ADAMTSL1: variants seen among roughly 807,000 people sequenced by gnomAD.
ADAMTSL1 encodes ADAMTS-like protein 1.
ADAMTSL1 carries 126 observed loss-of-function variants against 201.8 expected under a neutral mutation model. The observed-to-expected ratio is 0.62, with a 90% CI of 0.54 to 0.72. The LOEUF is 0.72. ADAMTSL1 is among the 30% of genes least tolerant of loss of function. ADAMTSL1 has a pLI of 0.00. For missense variants in ADAMTSL1, 2,679 were observed against 2,277.8 expected, an observed-to-expected ratio of 1.18 and a Z score of -3.59; for synonymous variants, 1,121 against 903.4, an observed-to-expected ratio of 1.24 and a Z score of -4.32.
chr9:18,671,666 C>T (rs768087861), intron 9 of ADAMTSL1, among the ~76,000 whole-genome samples: 1 of 152,078 alleles, frequency 6.6e-6, no homozygotes, highest in African/African-American at 2.4e-5. Flanking sequence ...ATTTGCAGTT[C>T]CAGAGAAGAA....
intron 7 of ADAMTSL1, among the ~76,000 whole-genome samples, chr9:18,650,694 A>C (rs118137622): frequency 0.025 from 3,825 of 152,200 alleles, 55 homozygotes; most frequent in Non-Finnish European, 0.035. Context: ...TTCTCTTGCC[A>C]CCTTTAAAAC....
rs1408457395 is a variant in ADAMTSL1, at chr9:18,182,509, A to G, written c.207+18528A>G. On this transcript the variant is annotated intron_variant, in intron 2 of 29. Transcript: ENST00000680146. ...AAAAAAGAGTGGAGGCTCTCACAAC[A>G]TGTCTTGTGGCTCTGTTTATATAAG... Among the ~76,000 whole-genome samples the G allele has an allele frequency of 2.0e-5, 3 of 152,276 alleles. No individual in the cohort carries two copies. In the East Asian group the frequency reaches 5.8e-4, roughly 29 times the overall value.
intron 1 of ADAMTSL1, among the ~76,000 whole-genome samples, chr9:18,099,773 C>G (rs1340759461): frequency 6.6e-6 from 1 of 151,452 alleles, no homozygotes; most frequent in Non-Finnish European, 1.5e-5. Context: ...ACTACAGGCT[C>G]CCGCCAACAT....
At chr9:18,526,065 G>A (rs1285724317) in intron 2 of ADAMTSL1, among the ~76,000 whole-genome samples, 1 of 152,120 alleles carries the variant, frequency 6.6e-6, no homozygotes, top group African/African-American at 2.4e-5. Context: ...CATTATTATT[G>A]TGTGGGAGTC....
rs745956699 is a variant in ADAMTSL1, at chr9:18,777,481, C to A, written c.3252C>A (p.Asn1084Lys). ...EQRRLDDILG[N>K]LSQQPEELRD... ...GGCGCCTGGACGACATCCTGGGGAA[C>A]CTCTCCCAGCAGCCCGAGGAGCTGC... Residue 1084 changes from asparagine to lysine, a missense_variant, in exon 19 of 29, where the codon AAC (asparagine) becomes AAA (lysine). Asn to Lys is a moderately conservative substitution (Grantham distance 94). Transcript: ENST00000380548. 1 of 1,593,698 alleles carries A rather than the reference C, an allele frequency of 6.3e-7. No homozygotes were observed. Among genetic ancestry groups the A allele is most frequent in the Admixed American group, 1.7e-5 (1 of 57,186 alleles).
intron 2 of ADAMTSL1, among the ~76,000 whole-genome samples, chr9:18,358,135 T>G (rs1465674759): frequency 1.3e-5 from 2 of 152,176 alleles, no homozygotes; most frequent in East Asian, 3.8e-4. Flanking sequence ...TCTGCACATT[T>G]AGAATACCAG....
At chr9:18,167,306 T>C (rs1455236597) in intron 2 of ADAMTSL1, among the ~76,000 whole-genome samples, 2 of 151,938 alleles carry the variant, frequency 1.3e-5, no homozygotes, top group African/African-American at 2.4e-5. Context: ...ACAGTGGTTA[T>C]TGAAGCCACT....
intron 2 of ADAMTSL1, among the ~76,000 whole-genome samples, chr9:18,349,551 A>G (rs1330128121): frequency 6.6e-6 from 1 of 152,200 alleles, no homozygotes; most frequent in African/African-American, 2.4e-5. Flanking sequence ...GGATTTTAAA[A>G]GGTGTAATGC....
intron 2 of ADAMTSL1, among the ~76,000 whole-genome samples, chr9:18,411,471 T>G (rs1041080982): frequency 3.3e-5 from 5 of 152,170 alleles, no homozygotes; most frequent in African/African-American, 1.2e-4. Context: ...AGTGCTAGGA[T>G]TATAGGCGTG....
chr9:18,284,025 G>C (rs898812780), intron 2 of ADAMTSL1, among the ~76,000 whole-genome samples: 1 of 151,444 alleles, frequency 6.6e-6, no homozygotes, highest in Non-Finnish European at 1.5e-5. Flanking sequence ...GAAGTCAGCA[G>C]TTCGAGACCA....
At chr9:18,253,309 G>A (rs1277438739) in intron 2 of ADAMTSL1, among the ~76,000 whole-genome samples, 6 of 152,218 alleles carry the variant, frequency 3.9e-5, no homozygotes, top group African/African-American at 1.4e-4. Flanking sequence ...AGGGACCCTG[G>A]GTGGATGGAG....
At position 18,786,685 on chromosome 9, in the gene ADAMTSL1, G is replaced by C. The variant is rs538541446; in HGVS notation, c.3678-8712G>C. Among the ~76,000 whole-genome samples, 9 of 152,290 alleles carry C rather than the reference G, an allele frequency of 5.9e-5. No homozygotes were observed. The South Asian group carries it at 1.9e-3, about 32-fold the overall frequency. ...AAACTAAGAAGCTTCACTCTTATTT[G>C]AGGAACATCTAGGTAGTTGTTCAAA... is the stretch of plus-strand genomic sequence containing the variant. On this transcript the variant is annotated intron_variant, in intron 19 of 28. Coordinates refer to ENST00000380548, the MANE Select transcript of ADAMTSL1 (RefSeq NM_001040272.6).
In ADAMTSL1 at chr9:18,257,440, A is replaced by AAAATGTAC. The variant is rs202008527; in HGVS notation, c.207+93462_207+93469dup. On this transcript the variant is annotated intron_variant, in intron 2 of 29. Coordinates refer to the ADAMTSL1 transcript ENST00000680146. ...GATGCTCAACACCCCAGTTATTAGGAAAATGTACAATAACACAACAATGAA... is the reference window on the plus strand; with the variant it reads ...GATGCTCAACACCCCAGTTATTAGGAAAATGTACAAATGTACAATAACACAACAATGAA... Among the ~76,000 whole-genome samples the AAAATGTAC allele has an allele frequency of 6.9e-3, 1,051 of 152,326 alleles. 41 individuals carry two copies. The highest frequency in any genetic ancestry group is 0.055 in the Admixed American group (835 of 15,298).
Position 18,574,155 on chromosome 9 carries a change from C to G in ADAMTSL1, c.363C>G (p.Leu121=). Residue 121 remains leucine, a synonymous_variant, in exon 4 of 29, where the codon CTC becomes CTG. Transcript: ENST00000380548. ...ATGACCCTGACAACCCATGTTCACT[C>G]AAGTGCCAAGCCAAAGGAACAACCC... ...VSNDPDNPCS[L]KCQAKGTTLV... 2 of 1,614,158 alleles carry G rather than the reference C, an allele frequency of 1.2e-6. No homozygotes were observed. Among genetic ancestry groups the G allele is most frequent in the Non-Finnish European group, 1.7e-6 (2 of 1,180,012 alleles).
chr9:18,502,374 C>T (rs906121584), intron 1 of ADAMTSL1, among the ~76,000 whole-genome samples: 4 of 152,198 alleles, frequency 2.6e-5, no homozygotes, highest in Admixed American at 1.3e-4. Flanking sequence ...GAAAATACTG[C>T]ACCTCTCTCA....
chr9:18,470,687 G>A (rs188998772), upstream of ADAMTSL1, among the ~76,000 whole-genome samples: 1 of 152,218 alleles, frequency 6.6e-6, no homozygotes, highest in Non-Finnish European at 1.5e-5. Context: ...ATTCTCCCCA[G>A]GGAGAGAAAT....
intron 19 of ADAMTSL1, among the ~76,000 whole-genome samples, chr9:18,790,757 C>A (rs1163461981): frequency 6.6e-6 from 1 of 151,994 alleles, no homozygotes; most frequent in African/African-American, 2.4e-5. Context: ...AAAAACAAAA[C>A]CGCTCCTTCA....
At chr9:18,005,840 T>C (rs1192356461) in intron 1 of ADAMTSL1, among the ~76,000 whole-genome samples, 1 of 152,060 alleles carries the variant, frequency 6.6e-6, no homozygotes, top group South Asian at 2.1e-4. Flanking sequence ...CTGCCTCTCT[T>C]CACTGCCCTG....
At chr9:18,620,390 T>C (rs921819925) in intron 4 of ADAMTSL1, among the ~76,000 whole-genome samples, 2 of 152,198 alleles carry the variant, frequency 1.3e-5, no homozygotes, top group Non-Finnish European at 2.9e-5. Context: ...CCATTGAATG[T>C]TGCTCCTAGC....
Sources: gnomAD v4.1 joint callset for allele counts (sites outside exome capture counted in the v4.1 genomes callset) on GRCh38, gnomAD v4.1.1 for gene constraint, MANE v1.5 for transcripts, NCBI Gene and HGNC (gene_info 2026-07-23, HGNC 2026-07-21) for gene names.